Variants in ME3 observed in about 807,000 individuals in gnomAD.
The protein encoded by ME3 is malic enzyme 3.
In ME3, 48 loss-of-function variants were observed where a neutral mutation model predicts 68.9. The observed-to-expected ratio is 0.70, with a 90% confidence interval of 0.55 to 0.89. The LOEUF (loss-of-function observed/expected upper bound fraction) is 0.89. Among genes scored for constraint, ME3 ranks in the 40% least tolerant of loss-of-function variants. The probability of loss-of-function intolerance (pLI) is 0.00; values close to 1 mark genes in which losing one functional copy is unlikely to be tolerated. For missense variants in ME3, 675 were observed against 797.4 expected (o/e 0.85, Z 1.85); for synonymous variants, 320 against 318.8 (o/e 1.00, Z -0.04).
At chr11:86,564,740 A>G (rs1957398466) in intron 2 of ME3, among the ~76,000 whole-genome samples, 1 of 152,170 alleles carries the variant, frequency 6.6e-6, no homozygotes, top group Non-Finnish European at 1.5e-5. Context: ...ATCCAAAACC[A>G]TAAAACAGAA....
At chr11:86,465,922 A>G (rs1251307851) in intron 7 of ME3, among the ~76,000 whole-genome samples, 1 of 152,194 alleles carries the variant, frequency 6.6e-6, no homozygotes, top group East Asian at 1.9e-4. Flanking sequence ...ATTTTGAACA[A>G]GCACCCCAGA....
At chr11:86,452,897 A>G (rs1949709861) in intron 8 of ME3, among the ~76,000 whole-genome samples, 1 of 152,246 alleles carries the variant, frequency 6.6e-6, no homozygotes, top group African/African-American at 2.4e-5. Flanking sequence ...CTGTTGGGAC[A>G]TTGTCTATCC....
At chr11:86,491,854 A>G (rs1952030909) in intron 6 of ME3, among the ~76,000 whole-genome samples, 1 of 152,248 alleles carries the variant, frequency 6.6e-6, no homozygotes, top group African/African-American at 2.4e-5. Context: ...TACATGGAAC[A>G]CACTTATGCT....
chr11:86,614,091 C>A (rs1942789154), intron 2 of ME3, among the ~76,000 whole-genome samples: 1 of 152,160 alleles, frequency 6.6e-6, no homozygotes. Context: ...CTACAGCAAC[C>A]AAAACAGCAT....
At chr11:86,614,645 C>T (rs1172209498) in intron 2 of ME3, among the ~76,000 whole-genome samples, 1 of 152,194 alleles carries the variant, frequency 6.6e-6, no homozygotes, top group African/African-American at 2.4e-5. Flanking sequence ...AGCTTTTTAG[C>T]AACAGGCACC....
chr11:86,463,768 G>T (rs1950342374), intron 8 of ME3, among the ~76,000 whole-genome samples: 1 of 152,184 alleles, frequency 6.6e-6, no homozygotes, highest in African/African-American at 2.4e-5. Flanking sequence ...CTGTAATATG[G>T]ACCATAATGG....
intron 4 of ME3, among the ~76,000 whole-genome samples, chr11:86,526,065 C>T (rs763041268): frequency 2.0e-5 from 3 of 152,174 alleles, no homozygotes; most frequent in African/African-American, 4.8e-5. Flanking sequence ...CGAAGCAGGG[C>T]GAGGCATTGC....
Position 86,663,534 on chromosome 11 carries a change from G to A in ME3, c.183+8228C>T, listed in dbSNP as rs150666070. ...GGATACCACCCCCAAAGGATTTCCCGATATACTTTCTACACATCAAAGTGA... is the reference window on the plus strand; with the variant it reads ...GGATACCACCCCCAAAGGATTTCCCAATATACTTTCTACACATCAAAGTGA... On this transcript the variant is annotated intron_variant, in intron 2 of 14. Coordinates refer to ENST00000543262, the Ensembl canonical transcript of ME3. 1.4e-3 allele frequency among the ~76,000 whole-genome samples: 212 copies of A among 152,216 alleles called. No homozygotes were observed. The East Asian group carries it at 0.029, about 21-fold the overall frequency.
At chr11:86,440,471 A>G (rs1948935798), downstream of ME3, among the ~76,000 whole-genome samples, 1 of 152,144 alleles carries the variant, frequency 6.6e-6, no homozygotes, top group African/African-American at 2.4e-5. Flanking sequence ...GAGCCAGGAA[A>G]ATGAAATCAA....
intron 2 of ME3, among the ~76,000 whole-genome samples, chr11:86,670,712 T>C (rs1411462413): frequency 1.3e-5 from 2 of 152,178 alleles, no homozygotes; most frequent in Non-Finnish European, 2.9e-5. Context: ...ATCTTTTCCA[T>C]ACAGACTGCC....
At chr11:86,449,748 T>C (rs1949530007) in intron 10 of ME3, 141 bp downstream of exon 10, 1 of 620,030 alleles carries the variant, frequency 1.6e-6, no homozygotes, top group Non-Finnish European at 2.8e-6. Context: ...GGGATGAATC[T>C]TTTGCTTTGG....
chr11:86,612,596 A>T (rs1302622559), intron 2 of ME3, among the ~76,000 whole-genome samples: 1 of 152,138 alleles, frequency 6.6e-6, no homozygotes, highest in Non-Finnish European at 1.5e-5. Flanking sequence ...CTTTTTAATA[A>T]TTGCCATTCT....
At chr11:86,489,768 G>C (rs978931895) in intron 6 of ME3, among the ~76,000 whole-genome samples, 1 of 152,086 alleles carries the variant, frequency 6.6e-6, no homozygotes, top group Non-Finnish European at 1.5e-5. Flanking sequence ...TGTCTGACCT[G>C]TACTAGAGTT....
At chr11:86,444,664 G>A (rs1949185431) in intron 13 of ME3, among the ~76,000 whole-genome samples, 1 of 152,198 alleles carries the variant, frequency 6.6e-6, no homozygotes, top group Non-Finnish European at 1.5e-5. Context: ...CACAAGACCA[G>A]CGATCTTGAG....
intron 2 of ME3, among the ~76,000 whole-genome samples, chr11:86,576,713 TC>T (rs5793203): frequency 0.18 from 26,680 of 152,048 alleles, 2,552 homozygotes; most frequent in Middle Eastern, 0.28. Flanking sequence ...CCTGAAGTCC[TC>T]CCTCAGCTAC....
At chr11:86,631,092 A>G (rs1315127788) in intron 2 of ME3, among the ~76,000 whole-genome samples, 1 of 152,228 alleles carries the variant, frequency 6.6e-6, no homozygotes, top group East Asian at 1.9e-4. Flanking sequence ...GGTTGGAGGA[A>G]CTGCTGGATT....
chr11:86,576,735 G>A (rs1304307869), intron 2 of ME3, among the ~76,000 whole-genome samples: 1 of 152,144 alleles, frequency 6.6e-6, no homozygotes, highest in Non-Finnish European at 1.5e-5. Flanking sequence ...ATTTCTTGCT[G>A]TGTGCTTCTT....
intron 2 of ME3, among the ~76,000 whole-genome samples, chr11:86,582,990 C>G (rs1452025770): frequency 1.3e-5 from 2 of 151,630 alleles, no homozygotes; most frequent in East Asian, 3.9e-4. Flanking sequence ...GGTGAGAAAC[C>G]AAGATCAGAG....
At chr11:86,474,395 G>C (rs892962623) in intron 7 of ME3, among the ~76,000 whole-genome samples, 1 of 152,176 alleles carries the variant, frequency 6.6e-6, no homozygotes, top group African/African-American at 2.4e-5. Flanking sequence ...GAGTTCCGGG[G>C]CAAGCACACC....
Sources: gnomAD v4.1 joint callset for allele counts (sites outside exome capture counted in the v4.1 genomes callset) on GRCh38, gnomAD v4.1.1 for gene constraint, MANE v1.5 for transcripts, NCBI Gene and HGNC (gene_info 2026-07-23, HGNC 2026-07-21) for gene names.